The following TRPM1 variants were observed in gnomAD, a reference collection of about 807,000 sequenced individuals.
TRPM1 encodes the protein transient receptor potential cation channel subfamily M member 1, also known as TRPM1-203 APA Isoform, Intron 10.
A neutral mutation model predicts 149.4 loss-of-function variants in TRPM1; 113 were observed. The ratio of observed to expected loss-of-function variants is 0.76; its 90% confidence interval spans 0.65 to 0.88. TRPM1 has a LOEUF of 0.88. Ranked by LOEUF, TRPM1 falls within the 40% of genes least tolerant of loss-of-function variation. The pLI is 0.00. For synonymous variants in TRPM1, 741 were observed against 759.5 expected (o/e 0.98, Z 0.40); for missense variants, 1,976 against 2,038.7 (o/e 0.97, Z 0.59).
At chr15:31,088,751 C>T (rs960383528) in intron 1 of TRPM1, among the ~76,000 whole-genome samples, 1 of 149,456 alleles carries the variant, frequency 6.7e-6, no homozygotes, top group Non-Finnish European at 1.5e-5. Context: ...TTCCTGCTAC[C>T]TGTGGGAACG....
intron 1 of TRPM1, among the ~76,000 whole-genome samples, chr15:31,117,667 C>T (rs201018505): frequency 2.2e-4 from 5 of 23,234 alleles, no homozygotes; most frequent in Non-Finnish European, 4.6e-4. Context: ...AAAAAAAATA[C>T]ACACACACAC....
intron 8 of TRPM1, 128 bp from the exon 9 acceptor site, chr15:31,062,830 G>T: frequency 8.7e-7 from 1 of 1,143,128 alleles, no homozygotes; most frequent in Non-Finnish European, 1.3e-6. Flanking sequence ...GAGACAAAAA[G>T]TAACCATAGT....
At chr15:31,100,025 A>G (rs183153495) in intron 1 of TRPM1, among the ~76,000 whole-genome samples, 2 of 151,670 alleles carry the variant, frequency 1.3e-5, no homozygotes, top group African/African-American at 4.8e-5. Context: ...TCCCTTGTCA[A>G]CGCAAACACA....
chr15:31,082,586 T>C (rs886919583), intron 1 of TRPM1, among the ~76,000 whole-genome samples: 1 of 152,220 alleles, frequency 6.6e-6, no homozygotes, highest in African/African-American at 2.4e-5. Context: ...ATTTTTCATC[T>C]GTAGCCAGGA....
chr15:31,047,301 G>A, intron 14 of TRPM1, 50 bp from the exon 15 acceptor site: 1 of 1,611,556 alleles, frequency 6.2e-7, no homozygotes, highest in South Asian at 1.1e-5. Flanking sequence ...TTCGCAGTGT[G>A]GACTTCATCA....
intron 1 of TRPM1, among the ~76,000 whole-genome samples, chr15:31,110,717 C>G (rs2035672455): frequency 6.6e-6 from 1 of 152,172 alleles, no homozygotes; most frequent in Non-Finnish European, 1.5e-5. Context: ...TCCCCATCCT[C>G]CATTGGAGGG....
Position 31,028,756 on chromosome 15 carries a change from C to CA in TRPM1, c.3149-281dup, listed in dbSNP as rs199728704. ...GACTGAGCGAGACTCCCAGTTGTCT[C>CA]AAAAAAAAAACAACTCACACAAAGA... On this transcript the variant is annotated intron_variant, in intron 24 of 27. Coordinates refer to ENST00000256552, the MANE Select transcript of TRPM1 (RefSeq NM_001252024.2). Among the ~76,000 whole-genome samples, 436 of 141,998 alleles carry CA rather than the reference C, an allele frequency of 3.1e-3. 10 individuals are homozygous for CA. The East Asian group carries it at 0.063, about 20-fold the overall frequency. The allele number at this position is 141,998 out of a possible 152,430, so 93.2% of individuals were successfully genotyped here. A position where few individuals can be genotyped will look rare whatever the true frequency, so the allele number is the denominator to read the frequency against.
intron 1 of TRPM1, among the ~76,000 whole-genome samples, chr15:31,141,398 G>A (rs2036160215): frequency 6.6e-6 from 1 of 152,216 alleles, no homozygotes; most frequent in Non-Finnish European, 1.5e-5. Context: ...TGAGAAAATT[G>A]TAGAAGGACA....
chr15:31,019,311 G>C (rs2032473077), intron 27 of TRPM1, among the ~76,000 whole-genome samples: 1 of 152,224 alleles, frequency 6.6e-6, no homozygotes, highest in African/African-American at 2.4e-5. Flanking sequence ...AAGAACACCA[G>C]GATAGAACCT....
chr15:31,063,349 C>G (rs556963833), intron 7 of TRPM1, 57 bp from the exon 8 acceptor site: 1 of 1,608,176 alleles, frequency 6.2e-7, no homozygotes, highest in Non-Finnish European at 8.5e-7. Context: ...TCCACCCAGT[C>G]GTTTTAACTC....
Position 31,002,191 on chromosome 15 carries a change from A to G in TRPM1, c.4509T>C (p.His1503=), listed in dbSNP as rs2031796075. 1.2e-6 allele frequency: 2 copies of G among 1,614,230 alleles called. No individual in the cohort carries two copies. Among genetic ancestry groups the G allele is most frequent in the South Asian group, 2.2e-5 (2 of 91,086 alleles). ...QCQVQKITRS[H]STDIPYIVSE... ...ACACAATGTAAGGAATATCTGTGCT[A>G]TGAGAGCGCGTGATCTTTTGAACTT... Residue 1503 remains histidine, a synonymous_variant, in exon 28 of 28, where the codon CAT becomes CAC. Transcript: ENST00000256552.
chr15:31,127,153 C>T (rs1295181075), intron 1 of TRPM1, among the ~76,000 whole-genome samples: 1 of 152,182 alleles, frequency 6.6e-6, no homozygotes, highest in Non-Finnish European at 1.5e-5. Flanking sequence ...ATTTCTCATT[C>T]CTTCTGGGTT....
At chr15:31,123,038 A>G (rs1325461700) in intron 1 of TRPM1, among the ~76,000 whole-genome samples, 1 of 152,250 alleles carries the variant, frequency 6.6e-6, no homozygotes, top group Non-Finnish European at 1.5e-5. Flanking sequence ...ATAGGCCTGC[A>G]CTAATGCAAT....
chr15:31,068,702 C>A (rs1262930106), intron 4 of TRPM1, among the ~76,000 whole-genome samples: 3 of 139,566 alleles, frequency 2.1e-5, no homozygotes, highest in Non-Finnish European at 3.0e-5. Context: ...CAAGATTGAG[C>A]CATTGCATTC....
chr15:31,114,374 A>T (rs954017927), intron 1 of TRPM1, among the ~76,000 whole-genome samples: 1 of 152,174 alleles, frequency 6.6e-6, no homozygotes, highest in Non-Finnish European at 1.5e-5. Flanking sequence ...GCTGCCTAGT[A>T]TTCCATGGTG....
chr15:31,026,587 T>C (rs909529125), intron 26 of TRPM1, among the ~76,000 whole-genome samples: 3 of 152,226 alleles, frequency 2.0e-5, no homozygotes, highest in East Asian at 3.8e-4. Flanking sequence ...ATAGCATTAT[T>C]TTCTCATTTT....
At chr15:31,102,929 G>A (rs1363762755), upstream of TRPM1, among the ~76,000 whole-genome samples, 1 of 152,210 alleles carries the variant, frequency 6.6e-6, no homozygotes, top group Non-Finnish European at 1.5e-5. Context: ...CCTGAGGCCT[G>A]AGAGAGTCAC....
At chr15:31,077,724 G>C (rs1048719634) in intron 2 of TRPM1, among the ~76,000 whole-genome samples, 10 of 151,966 alleles carry the variant, frequency 6.6e-5, no homozygotes, top group Non-Finnish European at 1.5e-4. Flanking sequence ...GCTATTTGTG[G>C]ATGTATGATG....
Position 31,003,039 on chromosome 15 carries a change from T to C in TRPM1, c.3661A>G (p.Ile1221Val). Residue 1221 changes from isoleucine to valine, a missense_variant, in exon 28 of 28, where the codon ATC (isoleucine) becomes GTC (valine). This residue lies in a region of TRPM1 where 572 missense variants were observed against 578.9 expected (regional missense o/e 0.99). Transcript: ENST00000256552. ...VENMSMRLEE[I>V]NERETFMKTS... ...TTCATAAAAGTTTCTCTTTCATTGATTTCTTCCAACCTCATTGACATATTT... is the reference window on the plus strand; with the variant it reads ...TTCATAAAAGTTTCTCTTTCATTGACTTCTTCCAACCTCATTGACATATTT... 6.2e-7 allele frequency: 1 copy of C among 1,602,248 alleles called. No individual in the cohort carries two copies. The highest frequency in any genetic ancestry group is 8.5e-7 in the Non-Finnish European group (1 of 1,176,730).
Sources: allele counts gnomAD v4.1 joint callset (sites outside exome capture counted in the v4.1 genomes callset), GRCh38; gene constraint gnomAD v4.1.1; regional missense constraint gnomAD v4.1.1; transcripts MANE v1.5; gene names NCBI Gene and HGNC (gene_info 2026-07-23, HGNC 2026-07-21).